PUDP: variants seen among roughly 807,000 people sequenced by gnomAD.
PUDP encodes pseudouridine-5'-phosphatase.
PUDP carries 8 observed loss-of-function variants against 9.4 expected under a neutral mutation model. That is an observed-to-expected ratio of 0.85 (90% CI 0.50 to 1.53). The LOEUF (loss-of-function observed/expected upper bound fraction) is 1.53, where lower values mean the gene tolerates loss of function less well. PUDP is among the 40% of genes most tolerant of loss of function. The pLI is 0.00. For synonymous variants in PUDP, 99 were observed against 80.7 expected, an observed-to-expected ratio of 1.23 and a Z score of -1.22; for missense variants, 188 against 189.7, an observed-to-expected ratio of 0.99 and a Z score of 0.05.
At chrX:7,143,576 C>A (rs1932818352) in intron 1 of PUDP, among the ~76,000 whole-genome samples, 1 of 111,978 alleles carries the variant, frequency 8.9e-6, no homozygotes, top group South Asian at 3.7e-4. Context: ...GGACAACCAA[C>A]CACTTACTAC....
chrX:6,912,716 G>T (rs915404891), intron 3 of PUDP, among the ~76,000 whole-genome samples: 2 of 111,858 alleles, frequency 1.8e-5, no homozygotes, highest in African/African-American at 6.5e-5. Flanking sequence ...GAGCCTAAAG[G>T]AAAAGCGAAC....
At chrX:7,145,564 C>T (rs1176477999) in intron 1 of PUDP, among the ~76,000 whole-genome samples, 1 of 107,318 alleles carries the variant, frequency 9.3e-6, no homozygotes, top group Admixed American at 1.0e-4. Flanking sequence ...ATAACTGACT[C>T]TTACCTTGGT....
chrX:7,018,394 T>G (rs73627523), intron 1 of PUDP, among the ~76,000 whole-genome samples: 217 of 112,244 alleles, frequency 1.9e-3, no homozygotes, highest in African/African-American at 6.5e-3. Flanking sequence ...ATTTTACTCA[T>G]AATCCCAAAT....
chrX:7,044,818 C>G, downstream of PUDP, among the ~76,000 whole-genome samples: 1 of 112,777 alleles, frequency 8.9e-6, no homozygotes, highest in Non-Finnish European at 1.9e-5. Flanking sequence ...CTAACTGTTT[C>G]CTGTGAGTTT....
At chrX:7,117,987 C>T (rs1483679820) in intron 1 of PUDP, among the ~76,000 whole-genome samples, 2 of 113,161 alleles carry the variant, frequency 1.8e-5, no homozygotes, top group East Asian at 2.8e-4. Flanking sequence ...TTCTGTATAG[C>T]CTACAGAATT....
At position 6,851,537 on chromosome X, in the gene PUDP, T is replaced by C. The variant is rs767975925; in HGVS notation, c.*247+125596A>G. 6.3e-5 allele frequency among the ~76,000 whole-genome samples: 7 copies of C among 111,689 alleles called. No homozygotes were observed. The East Asian group carries it at 1.7e-3, about 27-fold the overall frequency. On this transcript the variant is annotated intron_variant and NMD_transcript_variant, in intron 3 of 3. Coordinates refer to the PUDP transcript ENST00000655425. ...GAAGGGAGCGAGGAATTAGATGCTA[T>C]GCATATACAATAAACCTTATTAATT...
chrX:6,783,282 C>CT (rs1303205473), intron 3 of PUDP, among the ~76,000 whole-genome samples: 1 of 111,621 alleles, frequency 9.0e-6, no homozygotes, highest in East Asian at 2.8e-4. Flanking sequence ...TCCCCATGAT[C>CT]TTTTTTTTAT....
intron 3 of PUDP, among the ~76,000 whole-genome samples, chrX:6,911,940 C>G (rs1927856604): frequency 9.0e-6 from 1 of 111,375 alleles, no homozygotes; most frequent in Admixed American, 9.6e-5. Flanking sequence ...TTTCCTATAA[C>G]CTTAGTATTT....
At chrX:6,775,466 TATAG>T (rs56695005) in intron 3 of PUDP, among the ~76,000 whole-genome samples, 28 of 101,948 alleles carry the variant, frequency 2.7e-4, no homozygotes, top group Non-Finnish European at 4.4e-4. Flanking sequence ...GATAGATAGA[TATAG>T]ATAGATAGAT....
At chrX:6,954,696 G>C (rs1257873011) in intron 3 of PUDP, among the ~76,000 whole-genome samples, 1 of 112,417 alleles carries the variant, frequency 8.9e-6, no homozygotes, top group Non-Finnish European at 1.9e-5. Flanking sequence ...ACAGATTTAA[G>C]TCAGCCCAGG....
At chrX:6,858,322 C>CTTTTTTTTTTTTTTTTTT (rs370817442) in intron 3 of PUDP, among the ~76,000 whole-genome samples, 2 of 89,468 alleles carry the variant, frequency 2.2e-5, no homozygotes, top group Non-Finnish European at 2.2e-5. Context: ...TTTTTTCTTT[C>CTTTTTTTTTTTTTTTTTT]TTTTTTTTTT....
At chrX:6,779,821 G>C (rs963793909) in intron 3 of PUDP, among the ~76,000 whole-genome samples, 6 of 110,919 alleles carry the variant, frequency 5.4e-5, no homozygotes, top group African/African-American at 1.6e-4. Context: ...CCAGCTTCTT[G>C]GGAGGCTGAG....
chrX:6,977,491 ACATCAGACT>A (rs1350752691), intron 2 of PUDP, among the ~76,000 whole-genome samples: 10 of 112,345 alleles, frequency 8.9e-5, no homozygotes, highest in African/African-American at 2.9e-4. Context: ...TAAATTTGAG[ACATCAGACT>A]GTATTTTTGC....
chrX:7,138,916 GT>G (rs1403452525), intron 1 of PUDP, among the ~76,000 whole-genome samples: 2 of 84,326 alleles, frequency 2.4e-5, no homozygotes, highest in Admixed American at 2.6e-4. Flanking sequence ...TTTTAATACA[GT>G]CTTTGCTTGA....
intron 1 of PUDP, among the ~76,000 whole-genome samples, chrX:6,720,745 C>T (rs750725521): frequency 1.4e-4 from 16 of 110,472 alleles, no homozygotes; most frequent in African/African-American, 4.3e-4. Context: ...AGTTTCATAA[C>T]GTGCTCGTTT....
intron 3 of PUDP, among the ~76,000 whole-genome samples, chrX:6,735,434 T>A (rs1169594532): frequency 1.8e-5 from 2 of 111,933 alleles, no homozygotes; most frequent in Non-Finnish European, 3.8e-5. Flanking sequence ...TTAAAAATGC[T>A]GAGGAAAGCA....
chrX:7,139,283 C>T (rs1334336908), intron 1 of PUDP, among the ~76,000 whole-genome samples: 1 of 111,799 alleles, frequency 8.9e-6, no homozygotes, highest in Non-Finnish European at 1.9e-5. Flanking sequence ...TTGTGCTGTC[C>T]ACTCTATATT....
At chrX:6,984,510 G>A (rs907006065) in intron 1 of PUDP, among the ~76,000 whole-genome samples, 6 of 111,481 alleles carry the variant, frequency 5.4e-5, no homozygotes, top group Non-Finnish European at 5.6e-5. Flanking sequence ...TCAGGGAGTG[G>A]AGGTGGGTTA....
chrX:6,927,571 C>T (rs1393688421), intron 3 of PUDP, among the ~76,000 whole-genome samples: 1 of 111,887 alleles, frequency 8.9e-6, no homozygotes, highest in African/African-American at 3.3e-5. Flanking sequence ...TTCTCAGGTG[C>T]TGTGCCCATA....
Sources: gnomAD v4.1 joint callset for allele counts (sites outside exome capture counted in the v4.1 genomes callset) on GRCh38, gnomAD v4.1.1 for gene constraint, MANE v1.5 for transcripts, NCBI Gene and HGNC (gene_info 2026-07-23, HGNC 2026-07-21) for gene names.